TSPAN8: variants seen among roughly 807,000 people sequenced by gnomAD.
The protein encoded by TSPAN8 is tetraspanin-8.
A neutral mutation model predicts 32.8 loss-of-function variants in TSPAN8; 21 were observed. That is an observed-to-expected ratio of 0.64 (90% CI 0.45 to 0.92). TSPAN8 has a LOEUF of 0.92. Ranked by LOEUF, TSPAN8 falls within the 40% of genes least tolerant of loss-of-function variation. TSPAN8 has a pLI of 0.00. For missense variants in TSPAN8, 269 were observed against 281.9 expected (o/e 0.95, Z 0.33); for synonymous variants, 95 against 94.6 (o/e 1.00, Z -0.03).
intron 2 of TSPAN8, among the ~76,000 whole-genome samples, chr12:71,151,284 C>T (rs1018244711): frequency 6.6e-6 from 1 of 152,084 alleles, no homozygotes; most frequent in East Asian, 1.9e-4. Flanking sequence ...GGGATGGTCT[C>T]GATCTCCTGA....
At chr12:71,132,452 T>C (rs1443094320) in intron 7 of TSPAN8, among the ~76,000 whole-genome samples, 4 of 152,234 alleles carry the variant, frequency 2.6e-5, no homozygotes, top group Non-Finnish European at 5.9e-5. Context: ...TTGCCTCCCA[T>C]TGCAGTAGAA....
At chr12:71,147,740 T>C (rs1872121989) in intron 2 of TSPAN8, among the ~76,000 whole-genome samples, 1 of 152,194 alleles carries the variant, frequency 6.6e-6, no homozygotes, top group South Asian at 2.1e-4. Context: ...TTTTTTGCAT[T>C]TCCTTCATCA....
chr12:71,127,568 T>G (rs1241742011), intron 8 of TSPAN8, among the ~76,000 whole-genome samples: 1 of 152,190 alleles, frequency 6.6e-6, no homozygotes. Context: ...ACCTATAAAT[T>G]ACTGTATAGA....
At chr12:71,141,082 A>G (rs1178100945) in intron 3 of TSPAN8, among the ~76,000 whole-genome samples, 1 of 152,222 alleles carries the variant, frequency 6.6e-6, no homozygotes, top group East Asian at 1.9e-4. Flanking sequence ...ACAAACATCT[A>G]TATTTTGTCA....
At chr12:71,138,273 C>T (rs1371208391) in intron 4 of TSPAN8, 43 bp from the exon 5 acceptor site, 4 of 1,572,242 alleles carry the variant, frequency 2.5e-6, no homozygotes, top group Non-Finnish European at 3.5e-6. Flanking sequence ...TCAGTGCATT[C>T]AGTAACATCT....
chr12:71,146,357 C>T (rs1872079353), intron 2 of TSPAN8, among the ~76,000 whole-genome samples: 1 of 152,016 alleles, frequency 6.6e-6, no homozygotes, highest in African/African-American at 2.4e-5. Flanking sequence ...TGAAATTATT[C>T]GTAACTTTGT....
intron 2 of TSPAN8, among the ~76,000 whole-genome samples, chr12:71,153,538 G>T (rs182486072): frequency 2.0e-5 from 3 of 152,306 alleles, no homozygotes; most frequent in Admixed American, 1.3e-4. Context: ...GCTCAGTTTT[G>T]CAAGTTATAC....
At chr12:71,138,343 C>G in intron 4 of TSPAN8, 113 bp from the exon 5 acceptor site, 6 of 994,198 alleles carry the variant, frequency 6.0e-6, no homozygotes, top group Non-Finnish European at 8.9e-6. Context: ...GTGAGAGTGT[C>G]AGTCACACTC....
chr12:71,156,239 T>C (rs956960181), intron 2 of TSPAN8, among the ~76,000 whole-genome samples: 2 of 105,976 alleles, frequency 1.9e-5, no homozygotes, highest in African/African-American at 1.0e-4. Flanking sequence ...TAGTGAATAT[T>C]CAAAGTTCTC....
At chr12:71,154,063 C>G (rs1592412135) in intron 2 of TSPAN8, among the ~76,000 whole-genome samples, 4 of 152,152 alleles carry the variant, frequency 2.6e-5, no homozygotes, top group African/African-American at 9.6e-5. Flanking sequence ...AATCCCAGCA[C>G]TTTAGGAGGC....
intron 2 of TSPAN8, among the ~76,000 whole-genome samples, chr12:71,152,996 T>C (rs1872306819): frequency 6.6e-6 from 1 of 152,216 alleles, no homozygotes; most frequent in Non-Finnish European, 1.5e-5. Flanking sequence ...CAGTTACTAA[T>C]ACATTCAGCT....
chr12:71,148,301 T>C (rs544739521), intron 2 of TSPAN8, among the ~76,000 whole-genome samples: 18 of 152,338 alleles, frequency 1.2e-4, no homozygotes, highest in Admixed American at 1.2e-3. Context: ...TGAAAGGCTC[T>C]GAATACTCAG....
rs1871311572 is a variant in TSPAN8 at position 71,125,179 on chromosome 12, C to T, written c.*155G>A. ...ATATCCCTCAAATCTTAAATGTGTT[C>T]AATATGTCTAGAAGATATCTGTGGT... On this transcript the variant is annotated 3_prime_UTR_variant, in exon 9 of 9. Transcript: ENST00000247829. The T allele has an allele frequency of 1.1e-5, 6 of 554,684 alleles. No individual in the cohort carries two copies. 34.4% of individuals were successfully genotyped at this position (554,684 alleles called of 1,614,324 possible).
chr12:71,147,858 C>G lies in TSPAN8; in HGVS notation c.61-3645G>C, dbSNP rs180856002. On this transcript the variant is annotated intron_variant, in intron 2 of 8. Transcript: ENST00000247829. ...TTTATTCATTAAATCATTTAGATCCCCTGTATCCATGTTTTTTCTTTTCCT... is the reference window on the plus strand; with the variant it reads ...TTTATTCATTAAATCATTTAGATCCGCTGTATCCATGTTTTTTCTTTTCCT... Among the ~76,000 whole-genome samples, 4 of 152,092 alleles carry G rather than the reference C, an allele frequency of 2.6e-5. No individual in the cohort carries two copies. In the South Asian group the frequency reaches 6.2e-4, roughly 24 times the overall value.
chr12:71,135,397 G>A (rs1470894843), intron 6 of TSPAN8, among the ~76,000 whole-genome samples: 3 of 136,182 alleles, frequency 2.2e-5, no homozygotes, highest in East Asian at 2.1e-4. Context: ...GAGAAGGGGG[G>A]ACAAGAAGGG....
Position 71,157,743 on chromosome 12 carries a change from A to G in TSPAN8, c.-65T>C, listed in dbSNP as rs1872492796. 7.5e-7 allele frequency: 1 copy of G among 1,328,350 alleles called. No homozygotes were observed. The highest frequency in any genetic ancestry group is 1.1e-6 in the Non-Finnish European group (1 of 921,986). The allele number at this position is 1,328,350 out of a possible 1,614,324, so 82.3% of individuals were successfully genotyped here. On this transcript the variant is annotated 5_prime_UTR_variant, in exon 2 of 9. Transcript: ENST00000247829. ...CTATTCGTTACAGGCTTGTCCTGCA[A>G]TATGCTCTGGAGCAACTTGCCTGCA...
intron 2 of TSPAN8, among the ~76,000 whole-genome samples, chr12:71,148,750 C>CT (rs1443167678): frequency 6.6e-6 from 1 of 152,102 alleles, no homozygotes; most frequent in African/African-American, 2.4e-5. Flanking sequence ...ATGTCACTGT[C>CT]TTTATTTAAT....
At chr12:71,145,564 C>T (rs1661262424) in intron 2 of TSPAN8, among the ~76,000 whole-genome samples, 1 of 152,112 alleles carries the variant, frequency 6.6e-6, no homozygotes, top group Non-Finnish European at 1.5e-5. Flanking sequence ...GAAAACTTTC[C>T]TTACTTCTCT....
intron 2 of TSPAN8, among the ~76,000 whole-genome samples, chr12:71,155,998 T>C (rs1872416516): frequency 6.6e-6 from 1 of 152,054 alleles, no homozygotes; most frequent in Non-Finnish European, 1.5e-5. Context: ...CCCAAAGTGC[T>C]GGGATTACAG....
Sources: gnomAD v4.1 joint callset for allele counts (sites outside exome capture counted in the v4.1 genomes callset) on GRCh38, gnomAD v4.1.1 for gene constraint, MANE v1.5 for transcripts, NCBI Gene and HGNC (gene_info 2026-07-23, HGNC 2026-07-21) for gene names.